MAP4K2: variants seen among roughly 807,000 people sequenced by gnomAD.
MAP4K2 encodes the protein mitogen-activated protein kinase kinase kinase kinase 2, also known as B lymphocyte serine/threonine protein kinase.
In MAP4K2, 85 loss-of-function variants were observed where a neutral mutation model predicts 125.3. The ratio of observed to expected loss-of-function variants is 0.68; its 90% CI spans 0.57 to 0.81. MAP4K2 has a LOEUF of 0.81. MAP4K2 is among the 40% of genes least tolerant of loss of function. MAP4K2 has a pLI of 0.00. For missense variants in MAP4K2, 923 were observed against 1,056.4 expected (o/e 0.87, Z 1.75); for synonymous variants, 479 against 445.1 (o/e 1.08, Z -0.96).
chr11:64,794,987 G>C (rs2136042528), intron 24 of MAP4K2, among the ~76,000 whole-genome samples: 1 of 152,050 alleles, frequency 6.6e-6, no homozygotes, highest in South Asian at 2.1e-4. Flanking sequence ...CAACCTCCTG[G>C]GTTCAAGCAA....
In MAP4K2 at chr11:64,803,136, C is replaced by G; in HGVS notation, c.14G>C (p.Arg5Pro). The G allele has an allele frequency of 6.5e-7, 1 of 1,529,776 alleles. No homozygotes were observed. Among genetic ancestry groups the G allele is most frequent in the Non-Finnish European group, 8.7e-7 (1 of 1,148,628 alleles). The allele number at this position is 1,529,776 out of a possible 1,614,324, so 94.8% of individuals were successfully genotyped here. Residue 5 changes from arginine (R) to proline (P), a missense_variant, in exon 1 of 32, where the codon CGG becomes CCG. Arg to Pro is a moderately radical substitution (Grantham distance 103). This residue lies in a region of MAP4K2 where 833 missense variants were observed against 911.4 expected (regional missense o/e 0.91). Transcript: ENST00000294066. MALL[R>P]DVSLQDPRDR... ...CCGCGGGTCCTGCAGCGACACATCC[C>G]GCAGCAGCGCCATGGCCCGGCGCCG... is the stretch of plus-strand genomic sequence containing the variant.
chr11:64,797,699 T>G, intron 15 of MAP4K2, 35 bp from the exon 16 acceptor site: 1 of 1,412,866 alleles, frequency 7.1e-7, no homozygotes, highest in Non-Finnish European at 9.2e-7. Flanking sequence ...GAGGTCAACC[T>G]TTCCTTTTTT....
chr11:64,800,018 G>T, intron 12 of MAP4K2, 91 bp downstream of exon 12: 2 of 1,067,198 alleles, frequency 1.9e-6, no homozygotes, highest in Non-Finnish European at 1.4e-6. Flanking sequence ...GAGCTGGAAT[G>T]GTGCCAGTTA....
chr11:64,802,828 C>A, intron 2 of MAP4K2, 57 bp downstream of exon 2: 3 of 1,554,042 alleles, frequency 1.9e-6, no homozygotes, highest in East Asian at 2.4e-5. Context: ...GCCCGCACCC[C>A]GCGCCCGCGG....
At chr11:64,801,284 C>T in intron 7 of MAP4K2, 101 bp from the exon 8 acceptor site, 1 of 1,422,938 alleles carries the variant, frequency 7.0e-7, no homozygotes. Context: ...CTCAGACGGG[C>T]AGGTGGCCCC....
chr11:64,797,399 C>A lies in MAP4K2; in HGVS notation c.1171-19G>T. The A allele has an allele frequency of 6.4e-7, 1 of 1,565,394 alleles. No homozygotes were observed. Among genetic ancestry groups the A allele is most frequent in the Non-Finnish European group, 8.7e-7 (1 of 1,154,432 alleles). ...CCAGCTCCTGGTAGGAGGGGCAGGG[C>A]CCAGCCCGGCCGTTACCAGGTTGCC... On this transcript the variant is annotated intron_variant, in intron 17 of 31. Coordinates refer to ENST00000294066, the MANE Select transcript of MAP4K2 (RefSeq NM_004579.5).
In MAP4K2 at chr11:64,802,061, G is replaced by A; in HGVS notation, c.366+5C>T. 6.2e-7 allele frequency: 1 copy of A among 1,611,846 alleles called. No individual in the cohort carries two copies. Among genetic ancestry groups the A allele is most frequent in the Non-Finnish European group, 8.5e-7 (1 of 1,179,702 alleles). On this transcript the variant is annotated splice_donor_5th_base_variant and intron_variant, in intron 5 of 31. Transcript: ENST00000294066. ...GAGGTGTGGGCACCTCACAGGCCCAGCTACCTTCAGTGCCTCTCGGCAGAC... is the reference window on the plus strand; with the variant it reads ...GAGGTGTGGGCACCTCACAGGCCCAACTACCTTCAGTGCCTCTCGGCAGAC...
rs1042222909 is a variant in MAP4K2, at chr11:64,788,055, C to G, written c.*1482G>C. 1 of 152,244 alleles carries G rather than the reference C, an allele frequency of 6.6e-6. No homozygotes were observed. Among genetic ancestry groups the G allele is most frequent in the Non-Finnish European group, 1.5e-5 (1 of 68,088 alleles). 9.4% of individuals were successfully genotyped at this position (152,244 alleles called of 1,614,324 possible). A position where few individuals can be genotyped will look rare whatever the true frequency, so the allele number is the denominator to read the frequency against. On this transcript the variant is annotated 3_prime_UTR_variant, in exon 32 of 32. Coordinates refer to ENST00000294066, the MANE Select transcript of MAP4K2 (RefSeq NM_004579.5). ...CCTCCCCTGGGCTGGCTCCCCATTCCAGCCAAGAAACCCTCCCAGTCACTG... is the reference window on the plus strand; with the variant it reads ...CCTCCCCTGGGCTGGCTCCCCATTCGAGCCAAGAAACCCTCCCAGTCACTG...
Position 64,802,155 on chromosome 11 carries a change from C to T in MAP4K2, c.311-34G>A, listed in dbSNP as rs1214513837. On this transcript the variant is annotated intron_variant, in intron 4 of 31. Transcript: ENST00000294066. ...AAAAGGGAGAGGCTGGCTTGGGGGCCCGGGGGTCATGCCCACCCTCCCAGG... is the reference window on the plus strand; with the variant it reads ...AAAAGGGAGAGGCTGGCTTGGGGGCTCGGGGGTCATGCCCACCCTCCCAGG... The T allele has an allele frequency of 2.5e-6, 4 of 1,597,982 alleles. No homozygotes were observed. The African/African-American group carries it at 4.0e-5, about 16-fold the overall frequency.
chr11:64,797,487 C>T lies in MAP4K2; in HGVS notation c.1170+14G>A. ...TGGCCTGGATCCCAGCTCCAGCCTC[C>T]CTCTGTGTGGCACCTGGAATTCTGA... On this transcript the variant is annotated intron_variant, in intron 17 of 31. Transcript: ENST00000294066. The T allele has an allele frequency of 6.4e-7, 1 of 1,561,842 alleles. No individual in the cohort carries two copies. The highest frequency in any genetic ancestry group is 8.7e-7 in the Non-Finnish European group (1 of 1,152,358).
rs576897979 is a variant in MAP4K2 at position 64,792,253 on chromosome 11, G to A, written c.1833C>T (p.Ala611=). The A allele has an allele frequency of 1.3e-5, 21 of 1,611,122 alleles. No homozygotes were observed. Among genetic ancestry groups the A allele is most frequent in the Non-Finnish European group, 1.4e-5 (17 of 1,179,316 alleles). Residue 611 remains alanine (A), a synonymous_variant, in exon 26 of 32, where the codon GCC becomes GCT. Transcript: ENST00000294066. ...CRVVRNPYTG[A]TFLLAALPTS... ...TGGGCAGGGCGGCCAGCAGGAAGGT[G>A]GCACCCGTGTAGGGGTTCCGCACTG...
rs1372250180 is a variant in MAP4K2 at position 64,786,086 on chromosome 11, A to T, written c.*3451T>A. The stretch of plus-strand genomic sequence containing the variant: ...CTCCTCTCAGGGACGACCATCTCAG[A>T]TTTTGTGCTTTTCCTTCCCATGATT... On this transcript the variant is annotated 3_prime_UTR_variant, in exon 32 of 32. Coordinates refer to ENST00000294066, the MANE Select transcript of MAP4K2 (RefSeq NM_004579.5). 1 of 152,062 alleles carries T rather than the reference A, an allele frequency of 6.6e-6. No individual in the cohort carries two copies. The highest frequency in any genetic ancestry group is 1.5e-5 in the Non-Finnish European group (1 of 68,030). The allele number at this position is 152,062 out of a possible 1,614,324, so 9.4% of individuals were successfully genotyped here.
chr11:64,790,460 C>A lies in MAP4K2; in HGVS notation c.2095G>T (p.Gly699Trp). 1 of 1,613,874 alleles carries A rather than the reference C, an allele frequency of 6.2e-7. No individual in the cohort carries two copies. The highest frequency in any genetic ancestry group is 1.1e-5 in the South Asian group (1 of 91,082). The change falls in exon 28 of 32, where the codon GGG becomes TGG. Residue 699 changes from glycine (G) to tryptophan (W), a missense_variant and splice_region_variant. Transcript: ENST00000294066. ...ACCTGCTGGGCCGAGCCTGGGATCC[C>A]CTCTGCAGGCAGAGAAGAGAGACAT... ...LTPDILIPPE[G>W]IPGSAQQVIQ... is the part of the protein sequence containing the mutation.
Position 64,790,218 on chromosome 11 carries a change from G to T in MAP4K2, c.2218C>A (p.Leu740Met). Residue 740 changes from leucine (L) to methionine (M), a missense_variant, in exon 29 of 32, where the codon CTG (leucine) becomes ATG (methionine). By Grantham distance (15) the Leu-to-Met change is conservative. Transcript: ENST00000294066. ...GTCTCGATGGGGAAATCAAAGGTCA[G>T]CTCAGGTGCCAGTGTGGCCGTGGGC... is the stretch of plus-strand genomic sequence containing the variant. Reference protein sequence around the residue: ...GEPTATLAPELTFDFPIETVV... With the variant: ...GEPTATLAPEMTFDFPIETVV... 3.1e-6 allele frequency: 5 copies of T among 1,614,206 alleles called. No homozygotes were observed. Among genetic ancestry groups the T allele is most frequent in the Non-Finnish European group, 4.2e-6 (5 of 1,180,026 alleles).
At chr11:64,802,292 A>G (rs925571009) in intron 4 of MAP4K2, 127 bp downstream of exon 4, 2 of 1,151,350 alleles carry the variant, frequency 1.7e-6, no homozygotes, top group African/African-American at 1.5e-5. Flanking sequence ...TATTTCTCTC[A>G]AGGTCACACA....
chr11:64,802,472 A>C lies in MAP4K2; in HGVS notation c.257T>G (p.Leu86Trp). 6.6e-7 allele frequency: 1 copy of C among 1,521,346 alleles called. No homozygotes were observed. The highest frequency in any genetic ancestry group is 8.8e-7 in the Non-Finnish European group (1 of 1,134,036). The allele number at this position is 1,521,346 out of a possible 1,614,324, so 94.2% of individuals were successfully genotyped here. A position where few individuals can be genotyped will look rare whatever the true frequency, so the allele number is the denominator to read the frequency against. Reference protein sequence around the residue: ...YIGSYLRNDRLWICMEFCGGG... With the variant: ...YIGSYLRNDRWWICMEFCGGG... ...TCCGCAGAACTCCATGCAGATCCAC[A>C]AGCGGTCATTCCTAGGGACAAAGAG... is the stretch of plus-strand genomic sequence containing the variant. Residue 86 changes from leucine to tryptophan, a missense_variant, in exon 4 of 32, where the codon TTG becomes TGG. Around this residue, in one of 2 missense-constraint regions of MAP4K2, gnomAD observed 833 missense variants for 911.4 expected, o/e 0.91. Transcript: ENST00000294066.
At chr11:64,802,319 G>A (rs2136056814) in intron 4 of MAP4K2, 100 bp downstream of exon 4, 1 of 1,293,372 alleles carries the variant, frequency 7.7e-7, no homozygotes, top group Non-Finnish European at 1.1e-6. Context: ...CAGGAGTGGA[G>A]AGGAGCCCAA....
rs1940315800 is a variant in MAP4K2 at position 64,788,928 on chromosome 11, G to A, written c.*609C>T. 1 of 154,454 alleles carries A rather than the reference G, an allele frequency of 6.5e-6. No individual in the cohort carries two copies. Among genetic ancestry groups the A allele is most frequent in the South Asian group, 2.0e-4 (1 of 4,946 alleles). The allele number at this position is 154,454 out of a possible 1,614,324, so 9.6% of individuals were successfully genotyped here. On this transcript the variant is annotated 3_prime_UTR_variant, in exon 32 of 32. Coordinates refer to ENST00000294066, the MANE Select transcript of MAP4K2 (RefSeq NM_004579.5). ...TACAGCAGAGCCCTCAAACTGCAAA[G>A]CTGAGGGTCAGTTCTGAGCAAGGAT...
chr11:64,802,365 G>A, intron 4 of MAP4K2, 54 bp downstream of exon 4: 1 of 1,480,728 alleles, frequency 6.8e-7, no homozygotes, highest in Non-Finnish European at 9.0e-7. Flanking sequence ...TACCCCAGTG[G>A]GGTAGGGGTG....
Sources: gnomAD v4.1 joint callset for allele counts (sites outside exome capture counted in the v4.1 genomes callset) on GRCh38, gnomAD v4.1.1 for gene constraint, gnomAD v4.1.1 regional missense constraint, MANE v1.5 for transcripts, NCBI Gene and HGNC (gene_info 2026-07-23, HGNC 2026-07-21) for gene names.